Variants in CSMD1 observed in about 807,000 individuals in gnomAD.
CSMD1 encodes CUB and sushi domain-containing protein 1.
In CSMD1, 213 loss-of-function variants were observed where a neutral mutation model predicts 417.5. That is an observed-to-expected ratio of 0.51 (90% CI 0.46 to 0.57). CSMD1 has a LOEUF of 0.57. Among genes scored for constraint, CSMD1 ranks in the 20% least tolerant of loss-of-function variants. The pLI is 0.00. For missense variants in CSMD1, 6,923 were observed against 4,529.7 expected (o/e 1.53, Z -15.17); for synonymous variants, 2,862 against 1,736.8 (o/e 1.65, Z -16.11).
intron 23 of CSMD1, among the ~76,000 whole-genome samples, chr8:3,331,702 T>A (rs770137244): frequency 4.6e-5 from 7 of 152,222 alleles, no homozygotes; most frequent in Non-Finnish European, 1.0e-4. Flanking sequence ...AAGACACAGC[T>A]GGCGGTTTCT....
intron 3 of CSMD1, among the ~76,000 whole-genome samples, chr8:4,052,954 T>G (rs547423813): frequency 6.6e-6 from 1 of 152,220 alleles, no homozygotes; most frequent in Admixed American, 6.5e-5. Context: ...CTGAGAGGTA[T>G]AAATGGACCC....
chr8:4,443,389 A>G (rs1203879282), intron 2 of CSMD1, among the ~76,000 whole-genome samples: 1 of 152,194 alleles, frequency 6.6e-6, no homozygotes, highest in Non-Finnish European at 1.5e-5. Context: ...CAAAGGCAAC[A>G]AAACACAGTT....
At chr8:3,772,108 G>C (rs1234442854) in intron 5 of CSMD1, among the ~76,000 whole-genome samples, 1 of 149,620 alleles carries the variant, frequency 6.7e-6, no homozygotes, top group Non-Finnish European at 1.5e-5. Flanking sequence ...GATTTTGTGT[G>C]AGTGCTCTAA....
intron 11 of CSMD1, among the ~76,000 whole-genome samples, chr8:3,491,676 T>A (rs977226126): frequency 6.6e-6 from 1 of 152,192 alleles, no homozygotes; most frequent in Non-Finnish European, 1.5e-5. Context: ...TACAGAACAG[T>A]TGGCTAGTGC....
intron 7 of CSMD1, among the ~76,000 whole-genome samples, chr8:3,674,364 T>C (rs1799257104): frequency 6.6e-6 from 1 of 152,122 alleles, no homozygotes; most frequent in Non-Finnish European, 1.5e-5. Flanking sequence ...CAAATTATCA[T>C]CACGAGCTAA....
At chr8:4,324,773 C>A (rs775415607) in intron 3 of CSMD1, among the ~76,000 whole-genome samples, 3 of 152,166 alleles carry the variant, frequency 2.0e-5, no homozygotes, top group Non-Finnish European at 4.4e-5. Context: ...CATAAACAAA[C>A]ATCGAAAGTG....
intron 2 of CSMD1, among the ~76,000 whole-genome samples, chr8:4,434,055 G>A (rs765573446): frequency 3.3e-5 from 5 of 152,082 alleles, no homozygotes; most frequent in Middle Eastern, 3.2e-3. Flanking sequence ...CTGGATCTAG[G>A]GGCTGGACAT....
intron 52 of CSMD1, among the ~76,000 whole-genome samples, chr8:3,000,922 G>T (rs1488266860): frequency 6.6e-6 from 1 of 152,084 alleles, no homozygotes; most frequent in Non-Finnish European, 1.5e-5. Flanking sequence ...AAGAGCTTTA[G>T]TAACAGAGCT....
At chr8:3,826,449 C>T (rs770458861) in intron 5 of CSMD1, among the ~76,000 whole-genome samples, 13 of 152,144 alleles carry the variant, frequency 8.5e-5, no homozygotes, top group African/African-American at 2.9e-4. Context: ...TTCCCTTGCT[C>T]CCGGCCTACA....
intron 3 of CSMD1, among the ~76,000 whole-genome samples, chr8:4,216,701 C>T (rs2128805480): frequency 6.6e-6 from 1 of 152,238 alleles, no homozygotes; most frequent in South Asian, 2.1e-4. Flanking sequence ...AAGCACCAGT[C>T]ATCTAGGAGG....
intron 1 of CSMD1, among the ~76,000 whole-genome samples, chr8:4,952,993 T>A (rs891513770): frequency 6.6e-5 from 10 of 152,276 alleles, no homozygotes; most frequent in African/African-American, 2.4e-4. Flanking sequence ...CATCCATGCA[T>A]TCATACTTAT....
chr8:4,050,033 G>C (rs1226453569), intron 3 of CSMD1, among the ~76,000 whole-genome samples: 15 of 152,164 alleles, frequency 9.9e-5, no homozygotes, highest in Non-Finnish European at 4.4e-5. Flanking sequence ...GTTGCGGCCA[G>C]ATATTCTGTG....
chr8:3,835,150 G>A (rs1186539683), intron 5 of CSMD1, among the ~76,000 whole-genome samples: 2 of 147,640 alleles, frequency 1.4e-5, no homozygotes, highest in Non-Finnish European at 3.0e-5. Context: ...CATTGTGGAA[G>A]TCAGTGTGGC....
intron 40 of CSMD1, among the ~76,000 whole-genome samples, chr8:3,150,154 G>A (rs188269723): frequency 6.6e-6 from 1 of 152,252 alleles, no homozygotes; most frequent in Admixed American, 6.5e-5. Flanking sequence ...ACTGCCTCAT[G>A]CTCAGAGAGA....
At chr8:3,955,948 C>G (rs931857897) in intron 5 of CSMD1, among the ~76,000 whole-genome samples, 7 of 152,188 alleles carry the variant, frequency 4.6e-5, no homozygotes, top group African/African-American at 1.7e-4. Flanking sequence ...CGCCCAACAC[C>G]ACGCCCAACT....
chr8:4,480,557 C>G (rs899226292), intron 2 of CSMD1, among the ~76,000 whole-genome samples: 1 of 152,204 alleles, frequency 6.6e-6, no homozygotes, highest in Non-Finnish European at 1.5e-5. Context: ...AAGCGGAGGT[C>G]CTGTTACTGC....
chr8:3,684,226 A>C (rs1799819347), intron 7 of CSMD1, among the ~76,000 whole-genome samples: 1 of 143,772 alleles, frequency 7.0e-6, no homozygotes, highest in East Asian at 2.0e-4. Context: ...ATATAACATA[A>C]TATATAATAT....
At chr8:4,281,535 A>G (rs969120336) in intron 3 of CSMD1, among the ~76,000 whole-genome samples, 10 of 152,200 alleles carry the variant, frequency 6.6e-5, no homozygotes, top group Non-Finnish European at 1.0e-4. Context: ...CTCACATTAA[A>G]GGTCCTTTAA....
intron 49 of CSMD1, among the ~76,000 whole-genome samples, chr8:3,070,601 C>T (rs1032234071): frequency 7.2e-5 from 11 of 152,204 alleles, no homozygotes; most frequent in Non-Finnish European, 1.5e-4. Flanking sequence ...TGCTCCAATT[C>T]CCAAGAAGTT....
Sources: allele counts gnomAD v4.1 joint callset (sites outside exome capture counted in the v4.1 genomes callset), GRCh38; gene constraint gnomAD v4.1.1; transcripts MANE v1.5; gene names NCBI Gene and HGNC (gene_info 2026-07-23, HGNC 2026-07-21).